The following C12orf54 variants were observed in gnomAD, a reference collection of about 807,000 sequenced individuals.
The protein encoded by C12orf54 is chromosome 12 open reading frame 54, also known as uncharacterized protein C12orf54.
A neutral mutation model predicts 26.4 loss-of-function variants in C12orf54; 24 were observed. The observed-to-expected ratio is 0.91, with a 90% CI of 0.66 to 1.28. The LOEUF is 1.28. Among genes scored for constraint, C12orf54 ranks in the 50% most tolerant of loss-of-function variants. The probability of loss-of-function intolerance (pLI) is 0.00; values close to 1 mark genes in which losing one functional copy is unlikely to be tolerated. For synonymous variants in C12orf54, 54 were observed against 47.0 expected, an observed-to-expected ratio of 1.15 and a Z score of -0.61; for missense variants, 154 against 150.9, an observed-to-expected ratio of 1.02 and a Z score of -0.11.
Position 48,483,376 on chromosome 12 carries a change from G to C in C12orf54, c.65+15G>C. 3 of 1,612,138 alleles carry C rather than the reference G, an allele frequency of 1.9e-6. No homozygotes were observed. Among genetic ancestry groups the C allele is most frequent in the Non-Finnish European group, 2.5e-6 (3 of 1,178,304 alleles). ...CAGCAGAGAAGGTAATGGGGCTAAT[G>C]ATGACCCTCAAACATCCTTAGATTG... is the stretch of plus-strand genomic sequence containing the variant. On this transcript the variant is annotated intron_variant, in intron 2 of 8. Coordinates refer to ENST00000548364, the MANE Select transcript of C12orf54 (RefSeq NM_152319.4).
chr12:48,443,335 G>T, the C12orf54 span, among the ~76,000 whole-genome samples: 1 of 152,232 alleles, frequency 6.6e-6, no homozygotes, highest in Admixed American at 6.5e-5. Context: ...TGTTAGAGCT[G>T]AAGTAGAGCA....
chr12:48,481,418 G>T (rs896908915), upstream of C12orf54, among the ~76,000 whole-genome samples: 8 of 152,088 alleles, frequency 5.3e-5, no homozygotes, highest in Non-Finnish European at 1.0e-4. Flanking sequence ...CTCTTAGAGG[G>T]TGGGAGAGAG....
chr12:48,484,013 G>A (rs1954229440), intron 2 of C12orf54, among the ~76,000 whole-genome samples: 1 of 152,142 alleles, frequency 6.6e-6, no homozygotes, highest in Non-Finnish European at 1.5e-5. Context: ...GACCAATATG[G>A]AGAAACCCCA....
chr12:48,483,798 A>C (rs1308589681), intron 2 of C12orf54, among the ~76,000 whole-genome samples: 2 of 152,232 alleles, frequency 1.3e-5, no homozygotes, highest in Non-Finnish European at 2.9e-5. Flanking sequence ...TCAGAAAAGA[A>C]GGAGGGTTTA....
the C12orf54 span, among the ~76,000 whole-genome samples, chr12:48,470,348 C>A: frequency 1.3e-5 from 2 of 152,222 alleles, no homozygotes; most frequent in African/African-American, 4.8e-5. Flanking sequence ...GCAGCCTCAC[C>A]AACATCTGTT....
At chr12:48,474,266 C>G in the C12orf54 span, among the ~76,000 whole-genome samples, 7 of 152,264 alleles carry the variant, frequency 4.6e-5, no homozygotes, top group Non-Finnish European at 1.0e-4. Context: ...GGTGGAGGAG[C>G]CAAGATGGCC....
At chr12:48,467,504 A>C in the C12orf54 span, among the ~76,000 whole-genome samples, 1 of 152,234 alleles carries the variant, frequency 6.6e-6, no homozygotes, top group African/African-American at 2.4e-5. Context: ...ATCTCAAAAT[A>C]ATTATTCTGA....
chr12:48,466,414 G>A, the C12orf54 span, among the ~76,000 whole-genome samples: 9 of 151,940 alleles, frequency 5.9e-5, no homozygotes, highest in Admixed American at 2.0e-4. Flanking sequence ...GCATGGTGAC[G>A]TGCACCTGTA....
In C12orf54 at chr12:48,490,838, T is replaced by C; in HGVS notation, c.193+2T>C. ...TGCAGGAAGATGCTCGGATTCGAGG[T>C]AAAACAGCACCATTCCAAGGTTTGG... is the stretch of plus-strand genomic sequence containing the variant. On this transcript the variant is annotated splice_donor_variant, in intron 6 of 8. Transcript: ENST00000548364. LOFTEE classifies it high-confidence loss of function. The C allele has an allele frequency of 6.2e-7, 1 of 1,613,324 alleles. No individual in the cohort carries two copies. Among genetic ancestry groups the C allele is most frequent in the Non-Finnish European group, 8.5e-7 (1 of 1,179,346 alleles).
At chr12:48,432,441 ACTTAAAGATAT>A in the C12orf54 span, among the ~76,000 whole-genome samples, 1 of 152,232 alleles carries the variant, frequency 6.6e-6, no homozygotes, top group Non-Finnish European at 1.5e-5. Context: ...TCTCTTAATA[ACTTAAAGATAT>A]TCATCAAAAA....
At chr12:48,475,148 C>G in the C12orf54 span, among the ~76,000 whole-genome samples, 1 of 152,288 alleles carries the variant, frequency 6.6e-6, no homozygotes, top group East Asian at 1.9e-4. Flanking sequence ...GTCTGGAGTG[C>G]ACCTCTAGCA....
chr12:48,473,186 G>A, the C12orf54 span: 1 of 1,392,456 alleles, frequency 7.2e-7, no homozygotes, highest in East Asian at 2.3e-5. Flanking sequence ...AGGAGGATGA[G>A]GATGAGGAGG....
chr12:48,424,056 G>A, the C12orf54 span, among the ~76,000 whole-genome samples: 1 of 152,016 alleles, frequency 6.6e-6, no homozygotes, highest in Non-Finnish European at 1.5e-5. Flanking sequence ...TTAATTATAA[G>A]TGGAAGATAA....
chr12:48,489,524 C>T (rs1439149294), intron 5 of C12orf54, among the ~76,000 whole-genome samples: 1 of 152,062 alleles, frequency 6.6e-6, no homozygotes, highest in Non-Finnish European at 1.5e-5. Context: ...CTCCCGGGTT[C>T]AAGTGAATCT....
the C12orf54 span, among the ~76,000 whole-genome samples, chr12:48,472,329 A>C: frequency 2.0e-5 from 3 of 152,174 alleles, no homozygotes; most frequent in Non-Finnish European, 4.4e-5. Flanking sequence ...AGGCTTTGAC[A>C]ACAGTCCGTG....
the C12orf54 span, among the ~76,000 whole-genome samples, chr12:48,414,731 C>T: frequency 3.3e-5 from 5 of 152,142 alleles, no homozygotes; most frequent in African/African-American, 1.2e-4. Context: ...TATCCAGTGA[C>T]CTGGGCCCCT....
chr12:48,486,183 C>T lies in C12orf54; in HGVS notation c.71C>T (p.Ser24Phe), dbSNP rs754452949. The T allele has an allele frequency of 1.2e-5, 20 of 1,610,836 alleles. No individual in the cohort carries two copies. In the East Asian group the frequency reaches 3.1e-4, roughly 25 times the overall value. The stretch of plus-strand genomic sequence containing the variant: ...ATATCATTCTTTCTTTGCAGCACAT[C>T]CATAGAAGAGACAATGAGACCACAG... ...EMTSKQQRST[S>F]IEETMRPQEK... Residue 24 changes from serine (S) to phenylalanine (F), a missense_variant, in exon 3 of 9, where the codon TCC becomes TTC. By Grantham distance (155) the Ser-to-Phe change is radical. Transcript: ENST00000548364.
chr12:48,422,435 G>A, the C12orf54 span, among the ~76,000 whole-genome samples: 13 of 152,252 alleles, frequency 8.5e-5, no homozygotes, highest in African/African-American at 2.2e-4. Context: ...GAATTATGTC[G>A]GGAGGCCATG....
chr12:48,449,708 T>C, the C12orf54 span, among the ~76,000 whole-genome samples: 1 of 152,234 alleles, frequency 6.6e-6, no homozygotes, highest in Admixed American at 6.5e-5. Context: ...GATAACCTGA[T>C]ATTTTTTCAC....
Sources: allele counts gnomAD v4.1 joint callset (sites outside exome capture counted in the v4.1 genomes callset), GRCh38; gene constraint gnomAD v4.1.1; transcripts MANE v1.5; gene names NCBI Gene and HGNC (gene_info 2026-07-23, HGNC 2026-07-21).